The following KALRN variants were observed in gnomAD, a reference collection of about 807,000 sequenced individuals.
The protein encoded by KALRN is kalirin RhoGEF kinase, also known as kalirin.
A neutral mutation model predicts 353.7 loss-of-function variants in KALRN; 70 were observed. The ratio of observed to expected loss-of-function variants is 0.20; its 90% confidence interval spans 0.16 to 0.24. The LOEUF is 0.24. Ranked by LOEUF, KALRN falls within the 10% of genes least tolerant of loss-of-function variation. KALRN has a pLI of 1.00. For missense variants in KALRN, 2,791 were observed against 3,756.7 expected, an observed-to-expected ratio of 0.74 and a Z score of 6.72; for synonymous variants, 1,391 against 1,434.8, an observed-to-expected ratio of 0.97 and a Z score of 0.69.
intron 27 of KALRN, among the ~76,000 whole-genome samples, chr3:124,480,981 A>C (rs1022713990): frequency 7.9e-5 from 12 of 152,066 alleles, no homozygotes; most frequent in African/African-American, 2.4e-4. Flanking sequence ...TTTTTCATGC[A>C]TAGATATATA....
intron 1 of KALRN, among the ~76,000 whole-genome samples, chr3:124,054,199 C>T (rs1185269470): frequency 6.6e-6 from 1 of 152,162 alleles, no homozygotes; most frequent in South Asian, 2.1e-4. Context: ...CCACATCCTC[C>T]TCTATATCTT....
At chr3:124,048,673 C>T (rs1559870530) in intron 1 of KALRN, among the ~76,000 whole-genome samples, 2 of 152,038 alleles carry the variant, frequency 1.3e-5, no homozygotes, top group South Asian at 2.1e-4. Context: ...TTAGTAGAGA[C>T]GGGGTTTCAC....
intron 11 of KALRN, among the ~76,000 whole-genome samples, chr3:124,389,722 A>T (rs2089030598): frequency 6.6e-6 from 1 of 152,232 alleles, no homozygotes; most frequent in South Asian, 2.1e-4. Context: ...TAAAAACTGT[A>T]TATCCAGTAC....
At chr3:124,182,916 A>G (rs765354046) in intron 1 of KALRN, among the ~76,000 whole-genome samples, 1 of 152,260 alleles carries the variant, frequency 6.6e-6, no homozygotes, top group East Asian at 1.9e-4. Context: ...AAAGAAAAAT[A>G]AAGTGTTGGG....
chr3:124,170,408 A>G (rs1454410709), intron 1 of KALRN, among the ~76,000 whole-genome samples: 1 of 152,220 alleles, frequency 6.6e-6, no homozygotes, highest in Non-Finnish European at 1.5e-5. Context: ...TAAGAAACTG[A>G]GGCTCAGAGA....
intron 34 of KALRN, among the ~76,000 whole-genome samples, chr3:124,629,099 A>G (rs1423425909): frequency 6.6e-6 from 1 of 152,198 alleles, no homozygotes; most frequent in Non-Finnish European, 1.5e-5. Context: ...ATCAGTATGC[A>G]AACCGGCACT....
chr3:124,126,975 G>T (rs1249658895), intron 1 of KALRN, among the ~76,000 whole-genome samples: 2 of 152,188 alleles, frequency 1.3e-5, no homozygotes, highest in African/African-American at 4.8e-5. Context: ...AATGAAAGAA[G>T]GTGCTGTTGT....
At chr3:124,637,091 A>G in intron 36 of KALRN, 117 bp from the exon 37 acceptor site, 1 of 822,494 alleles carries the variant, frequency 1.2e-6, no homozygotes, top group Non-Finnish European at 2.1e-6. Flanking sequence ...TTCCGTCTAA[A>G]CACAGAACTT....
intron 3 of KALRN, among the ~76,000 whole-genome samples, chr3:124,251,950 A>G (rs1025914218): frequency 6.6e-6 from 1 of 152,094 alleles, no homozygotes; most frequent in Non-Finnish European, 1.5e-5. Context: ...TTGTTTTTTA[A>G]TAGTATTATT....
At chr3:124,403,344 T>C (rs186155413) in intron 13 of KALRN, among the ~76,000 whole-genome samples, 1 of 152,346 alleles carries the variant, frequency 6.6e-6, no homozygotes. Flanking sequence ...TTGGATAATT[T>C]GGGGCATTTT....
chr3:124,461,814 G>A (rs895610374), intron 23 of KALRN, 76 bp from the exon 24 acceptor site: 5 of 996,788 alleles, frequency 5.0e-6, no homozygotes, highest in Non-Finnish European at 6.4e-6. Flanking sequence ...ATACATGCTG[G>A]GGTGGGGAAG....
rs1382569290 is a variant in KALRN at position 124,033,787 on chromosome 3, C to T, written c.47C>T (p.Ser16Leu). Among the ~76,000 whole-genome samples the T allele has an allele frequency of 4.6e-5, 7 of 152,170 alleles. No homozygotes were observed. The highest frequency in any genetic ancestry group is 3.3e-4 in the Admixed American group (5 of 15,288). ...GCGGAGGAAGGAGGAGCAGCAGACTCGGACGTGGACGCCTTTTTCCGGACA... is the reference window on the plus strand; with the variant it reads ...GCGGAGGAAGGAGGAGCAGCAGACTTGGACGTGGACGCCTTTTTCCGGACA... The part of the protein sequence containing the change: ...GAAEEGGAAD[S>L]DVDAFFRTGS... The change falls in exon 1 of 60, where the codon TCG becomes TTG. Residue 16 changes from serine to leucine, a missense_variant. Coordinates refer to ENST00000682506, the MANE Select transcript of KALRN (RefSeq NM_001388419.1). The surrounding 1 kb of genome is among the most constrained non-coding windows in gnomAD (Gnocchi z 6.2).
intron 21 of KALRN, among the ~76,000 whole-genome samples, chr3:124,450,587 A>G (rs994190138): frequency 7.2e-6 from 1 of 138,780 alleles, no homozygotes; most frequent in Non-Finnish European, 1.5e-5. Flanking sequence ...TTTGAGATGG[A>G]GTTTCACTCT....
At position 124,632,597 on chromosome 3, in the gene KALRN, G is replaced by A. The variant is rs2080905525; in HGVS notation, c.5360G>A (p.Gly1787Glu). The change falls in exon 35 of 60, where the codon GGA (glycine) becomes GAA (glutamate). Residue 1787 changes from glycine (G) to glutamate (E), a missense_variant. Physicochemically the swap from Gly to Glu is moderately conservative, Grantham distance 98 (BLOSUM62 -2). This residue lies in a region of KALRN where 1,065 missense variants were observed against 1,156.4 expected (regional missense o/e 0.92). Transcript: ENST00000682506. Reference protein sequence around the residue: ...VRRLNSGKADGNIKKQKKVRD... With the variant: ...VRRLNSGKADENIKKQKKVRD... The stretch of plus-strand genomic sequence containing the variant: ...CGGCTTAACAGCGGGAAGGCAGATG[G>A]AAACATCAAAAAGCAGAAGAAAGTT... 2 of 1,614,174 alleles carry A rather than the reference G, an allele frequency of 1.2e-6. No homozygotes were observed. Among genetic ancestry groups the A allele is most frequent in the Non-Finnish European group, 1.7e-6 (2 of 1,180,036 alleles).
rs2084908126 is a variant in KALRN at position 124,661,796 on chromosome 3, G to C, written c.6268-55G>C. The C allele has an allele frequency of 3.6e-6, 5 of 1,380,774 alleles. No homozygotes were observed. The South Asian group carries it at 5.8e-5, about 16-fold the overall frequency. 85.5% of individuals were successfully genotyped at this position (1,380,774 alleles called of 1,614,324 possible). On this transcript the variant is annotated intron_variant, in intron 44 of 59. Coordinates refer to ENST00000682506, the MANE Select transcript of KALRN (RefSeq NM_001388419.1). ...GTTTTCCAGCACTGAATTACCAAGA[G>C]CTTCCTGCCTGAGTGCTGTTCCCCC...
intron 11 of KALRN, 105 bp from the exon 12 acceptor site, chr3:124,395,030 C>T: frequency 1.3e-6 from 1 of 784,048 alleles, no homozygotes; most frequent in Non-Finnish European, 2.1e-6. Flanking sequence ...ATGGCACTGA[C>T]TGGTTGAGAG....
intron 25 of KALRN, among the ~76,000 whole-genome samples, chr3:124,463,803 T>C (rs1336887575): frequency 2.6e-5 from 4 of 152,176 alleles, no homozygotes; most frequent in Non-Finnish European, 4.4e-5. Flanking sequence ...CTCCTGGTTA[T>C]TAATTCCTGG....
intron 59 of KALRN, 93 bp from the exon 60 acceptor site, chr3:124,718,832 A>G: frequency 8.5e-7 from 1 of 1,180,770 alleles, no homozygotes; most frequent in East Asian, 2.3e-5. Flanking sequence ...AAAGAATAGC[A>G]TAACTGTGTT....
chr3:124,122,990 C>G (rs749112387), intron 1 of KALRN, among the ~76,000 whole-genome samples: 1 of 152,046 alleles, frequency 6.6e-6, no homozygotes, highest in Non-Finnish European at 1.5e-5. Context: ...ATCACAAGAT[C>G]AGGAGTTTGA....
Sources: allele counts gnomAD v4.1 joint callset (sites outside exome capture counted in the v4.1 genomes callset), GRCh38; gene constraint gnomAD v4.1.1; regional missense constraint gnomAD v4.1.1; non-coding constraint Gnocchi (gnomAD v3.1); transcripts MANE v1.5; gene names NCBI Gene and HGNC (gene_info 2026-07-23, HGNC 2026-07-21).